MICAL3: variants seen among roughly 807,000 people sequenced by gnomAD.
The protein encoded by MICAL3 is [F-actin]-monooxygenase MICAL3.
A neutral mutation model predicts 207.4 loss-of-function variants in MICAL3; 62 were observed. The observed-to-expected ratio is 0.30, with a 90% confidence interval of 0.24 to 0.37. The LOEUF is 0.37. Ranked by LOEUF, MICAL3 falls within the 10% of genes least tolerant of loss-of-function variation. The pLI is 1.00. For missense variants in MICAL3, 2,368 were observed against 2,635.6 expected (o/e 0.90, Z 2.22); for synonymous variants, 1,077 against 1,069.3 (o/e 1.01, Z -0.14).
intron 29 of MICAL3, among the ~76,000 whole-genome samples, chr22:17,798,865 G>A (rs1256807826): frequency 6.6e-6 from 1 of 151,678 alleles, no homozygotes; most frequent in Non-Finnish European, 1.5e-5. Context: ...AGTAGAGATG[G>A]GGTTTCACCA....
At chr22:17,974,594 C>A (rs901795797) in intron 1 of MICAL3, among the ~76,000 whole-genome samples, 1 of 152,028 alleles carries the variant, frequency 6.6e-6, no homozygotes, top group Non-Finnish European at 1.5e-5. Context: ...CATGGTGGCA[C>A]GCACCTGTAA....
chr22:17,878,774 A>T (rs1194865340), intron 16 of MICAL3, among the ~76,000 whole-genome samples: 2 of 152,108 alleles, frequency 1.3e-5, no homozygotes, highest in African/African-American at 4.8e-5. Flanking sequence ...GCAATCAGTA[A>T]TTTCTCCCCT....
intron 9 of MICAL3, among the ~76,000 whole-genome samples, chr22:17,896,044 G>A (rs1313164963): frequency 1.3e-5 from 2 of 152,178 alleles, no homozygotes; most frequent in East Asian, 3.8e-4. Flanking sequence ...AGGAGTAAGA[G>A]AAGACTTAGT....
intron 20 of MICAL3, chr22:17,834,226 ACATT>A: frequency 9.2e-7 from 1 of 1,088,586 alleles, no homozygotes; most frequent in Non-Finnish European, 1.1e-6. Context: ...GCTCAATGAC[ACATT>A]CATTCATTCA....
chr22:17,794,922 G>GA (rs2145952587), intron 29 of MICAL3, among the ~76,000 whole-genome samples: 1 of 152,342 alleles, frequency 6.6e-6, no homozygotes, highest in African/African-American at 2.4e-5. Flanking sequence ...GGCCCGCGGG[G>GA]AGGGCAGTGT....
intron 1 of MICAL3, among the ~76,000 whole-genome samples, chr22:17,962,872 TCCTCCTGCCTTAG>T (rs954389253): frequency 1.3e-4 from 20 of 152,074 alleles, no homozygotes; most frequent in Non-Finnish European, 2.2e-4. Flanking sequence ...CCTCAAGGGA[TCCTCCTGCCTTAG>T]CCTCAGGAGC....
chr22:17,956,412 G>A (rs9605452), intron 1 of MICAL3, among the ~76,000 whole-genome samples: 8 of 152,164 alleles, frequency 5.3e-5, no homozygotes, highest in South Asian at 2.1e-4. Context: ...GGTGGCTCAC[G>A]GCTATAATCC....
At chr22:18,001,915 T>G (rs557799790) in intron 1 of MICAL3, among the ~76,000 whole-genome samples, 2 of 152,280 alleles carry the variant, frequency 1.3e-5, no homozygotes, top group East Asian at 1.9e-4. Flanking sequence ...GGGGACTTGT[T>G]GGCCGGGCGC....
chr22:17,854,672 C>T (rs569816732), intron 19 of MICAL3, among the ~76,000 whole-genome samples: 13 of 152,320 alleles, frequency 8.5e-5, no homozygotes, highest in South Asian at 2.1e-4. Context: ...TCTCATGACG[C>T]GACTCTACTG....
At position 17,861,944 on chromosome 22, in the gene MICAL3, T is replaced by C. The variant is rs578241273; in HGVS notation, c.2605+2955A>G. 4 of 985,358 alleles carry C rather than the reference T, an allele frequency of 4.1e-6. No individual in the cohort carries two copies. The African/African-American group carries it at 7.0e-5, about 17-fold the overall frequency. 61.0% of individuals were successfully genotyped at this position (985,358 alleles called of 1,614,324 possible). A position where few individuals can be genotyped will look rare whatever the true frequency, so the allele number is the denominator to read the frequency against. ...GTGGGTGTGTTTTTTTGTTTTTGTT[T>C]TGGCAACAGCAAGAATTTTGGCATA... On this transcript the variant is annotated intron_variant, in intron 19 of 31. Transcript: ENST00000441493.
At chr22:17,891,977 G>T (rs995293498) in intron 11 of MICAL3, among the ~76,000 whole-genome samples, 1 of 152,196 alleles carries the variant, frequency 6.6e-6, no homozygotes, top group Non-Finnish European at 1.5e-5. Flanking sequence ...GCTTACAGCA[G>T]CTCTGAGTTC....
chr22:17,821,920 G>T (rs1921693161), intron 24 of MICAL3, 110 bp downstream of exon 24: 2 of 1,359,686 alleles, frequency 1.5e-6, no homozygotes, highest in Non-Finnish European at 2.0e-6. Context: ...TCGGAGGCTG[G>T]TGTGCACCAT....
intron 29 of MICAL3, among the ~76,000 whole-genome samples, chr22:17,798,890 G>T (rs1045403415): frequency 9.2e-5 from 14 of 151,796 alleles, no homozygotes; most frequent in Non-Finnish European, 1.6e-4. Flanking sequence ...AGCCAGGATG[G>T]TCTCGATCTC....
At chr22:17,879,718 A>G (rs1929242800) in intron 16 of MICAL3, among the ~76,000 whole-genome samples, 1 of 152,196 alleles carries the variant, frequency 6.6e-6, no homozygotes, top group African/African-American at 2.4e-5. Context: ...GAGGCATCAA[A>G]TGGAAGGTTT....
At chr22:17,912,368 TAAA>T (rs113708314) in intron 1 of MICAL3, among the ~76,000 whole-genome samples, 3 of 140,642 alleles carry the variant, frequency 2.1e-5, no homozygotes, top group Non-Finnish European at 1.6e-5. Flanking sequence ...TCTATTTCTG[TAAA>T]AAAAAAAAAA....
Position 17,884,144 on chromosome 22 carries a change from G to A in MICAL3, c.2241+1734C>T, listed in dbSNP as rs59819549. On this transcript the variant is annotated intron_variant, in intron 16 of 31. Transcript: ENST00000441493. ...CAATGTTTTCCCAGAGCTACTACTC[G>A]AATGAGCAGAGATTTCCTGCCCTCA... is the stretch of plus-strand genomic sequence containing the variant. 3.6e-3 allele frequency: 2,005 copies of A among 561,160 alleles called. 32 individuals are homozygous for A. The African/African-American group carries it at 0.036, about 10-fold the overall frequency. 34.8% of individuals were successfully genotyped at this position (561,160 alleles called of 1,614,324 possible).
At chr22:17,865,868 C>T (rs1927054368) in intron 18 of MICAL3, 56 bp downstream of exon 18, 2 of 1,467,082 alleles carry the variant, frequency 1.4e-6, no homozygotes, top group Non-Finnish European at 1.9e-6. Context: ...CGGCCCATAG[C>T]CACACTGCTG....
chr22:17,810,887 G>C (rs764146117), intron 27 of MICAL3, 74 bp from the exon 28 acceptor site: 64 of 1,166,510 alleles, frequency 5.5e-5, no homozygotes, highest in Non-Finnish European at 8.1e-5. Flanking sequence ...CAGGCCAACA[G>C]GGGCCTGGAG....
intron 19 of MICAL3, among the ~76,000 whole-genome samples, chr22:17,851,882 T>C (rs1018609007): frequency 6.6e-6 from 1 of 152,208 alleles, no homozygotes; most frequent in African/African-American, 2.4e-5. Flanking sequence ...GGGAAGCAGC[T>C]TGCTCACCAG....
Sources: gnomAD v4.1 joint callset for allele counts (sites outside exome capture counted in the v4.1 genomes callset) on GRCh38, gnomAD v4.1.1 for gene constraint, MANE v1.5 for transcripts, NCBI Gene and HGNC (gene_info 2026-07-23, HGNC 2026-07-21) for gene names.